Variants in HGFAC observed in about 807,000 individuals in gnomAD.
HGFAC encodes hepatocyte growth factor activator serine protease.
In HGFAC, 76 loss-of-function variants were observed where a neutral mutation model predicts 70.6. That is an observed-to-expected ratio of 1.08 (90% CI 0.89 to 1.30). HGFAC has a LOEUF of 1.30. Ranked by LOEUF, HGFAC falls within the 50% of genes most tolerant of loss-of-function variation. The probability of loss-of-function intolerance (pLI) is 0.00; values close to 1 mark genes in which losing one functional copy is unlikely to be tolerated. For synonymous variants in HGFAC, 464 were observed against 405.3 expected (o/e 1.14, Z -1.74); for missense variants, 1,044 against 933.7 (o/e 1.12, Z -1.54).
Position 3,442,097 on chromosome 4 carries a change from G to T in HGFAC, c.96G>T (p.Gly32=). ...LLLLLLLLPR[G]FQPQPGGNRT... ...TGCTGCTGCTGCTGCTGCCACGGGG[G>T]TTCCAGCCCCAGCCTGGCGGGGTGA... Residue 32 remains glycine (G), a synonymous_variant, in exon 1 of 14, where the codon GGG becomes GGT. Transcript: ENST00000382774. The T allele has an allele frequency of 6.4e-7, 1 of 1,560,740 alleles. No homozygotes were observed. Among genetic ancestry groups the T allele is most frequent in the Non-Finnish European group, 8.6e-7 (1 of 1,164,842 alleles).
rs1345525322 is a variant in HGFAC, at chr4:3,445,290, T to TGG, written c.1043_1044dup (p.Cys349GlyfsTer5). 1.3e-6 allele frequency: 2 copies of TGG among 1,587,304 alleles called. No homozygotes were observed. The highest frequency in any genetic ancestry group is 3.5e-5 in the Admixed American group (2 of 56,740). On this transcript the variant is annotated frameshift_variant, in exon 9 of 14. Coordinates refer to ENST00000382774, the MANE Select transcript of HGFAC (RefSeq NM_001528.4). LOFTEE classifies it high-confidence loss of function. ...GAATCCGGACAATGACGAGAGGCCCTGGTGCTACGTGGTGAAGGACAGCGC... is the reference window on the plus strand; with the variant it reads ...GAATCCGGACAATGACGAGAGGCCCTGGGGTGCTACGTGGTGAAGGACAGCGC...
In HGFAC at chr4:3,442,903, C is replaced by T. The variant is rs1228817004; in HGVS notation, c.289C>T (p.Gln97Ter). 1 of 1,563,414 alleles carries T rather than the reference C, an allele frequency of 6.4e-7. No individual in the cohort carries two copies. The highest frequency in any genetic ancestry group is 1.4e-5 in the African/African-American group (1 of 72,488). The change falls in exon 2 of 14, where the codon CAG becomes TAG. Residue 97 changes from glutamine (Q) to a stop codon, truncating the protein, a stop_gained. Coordinates refer to ENST00000382774, the MANE Select transcript of HGFAC (RefSeq NM_001528.4). LOFTEE classifies it high-confidence loss of function. ...GGCAGTTCCCTCGAGCAGTAGCCCC[C>T]AGGCCCAAGGTGGGTCAGGTGGGCC... ...PRAVPSSSSP[Q>*]AQALTEDGRP...
At chr4:3,446,414 C>T (rs574432693) in intron 10 of HGFAC, 120 bp downstream of exon 10, 47 of 1,289,868 alleles carry the variant, frequency 3.6e-5, no homozygotes, top group East Asian at 1.8e-4. Context: ...GACCCCTTCC[C>T]GGGGTCCCCG....
At position 3,449,347 on chromosome 4, in the gene HGFAC, C is replaced by A; in HGVS notation, c.1896C>A (p.Thr632=). The A allele has an allele frequency of 6.2e-7, 1 of 1,611,264 alleles. No individual in the cohort carries two copies. The highest frequency in any genetic ancestry group is 8.5e-7 in the Non-Finnish European group (1 of 1,178,994). ...CGRLHKPGVY[T]RVANYVDWIN... ...GGCTCCACAAGCCGGGGGTCTACAC[C>A]CGCGTGGCCAACTATGTGGACTGGA... The change falls in exon 14 of 14, where the codon ACC becomes ACA. Residue 632 remains threonine, a synonymous_variant. Transcript: ENST00000382774.
Position 3,446,033 on chromosome 4 carries a change from T to C in HGFAC, c.1103-9T>C, listed in dbSNP as rs1449673815. On this transcript the variant is annotated splice_polypyrimidine_tract_variant and intron_variant, in intron 9 of 13. Coordinates refer to ENST00000382774, the MANE Select transcript of HGFAC (RefSeq NM_001528.4). ...CCCAGGGGTGTGACCCGGTGACCTTTGCTCCCAGAATCCCTCACCAGAGTC... is the reference window on the plus strand; with the variant it reads ...CCCAGGGGTGTGACCCGGTGACCTTCGCTCCCAGAATCCCTCACCAGAGTC... The C allele has an allele frequency of 6.2e-7, 1 of 1,607,188 alleles. No homozygotes were observed. Among genetic ancestry groups the C allele is most frequent in the African/African-American group, 1.3e-5 (1 of 74,768 alleles).
At position 3,444,283 on chromosome 4, in the gene HGFAC, G is replaced by A. The variant is rs752279697; in HGVS notation, c.599-28G>A. On this transcript the variant is annotated intron_variant, in intron 5 of 13. Transcript: ENST00000382774. ...CTGCACGGGGACAGCAGGTGGCAGG[G>A]TGTGAGGGCTTACTGTGCACCCCTC... 5 of 1,573,978 alleles carry A rather than the reference G, an allele frequency of 3.2e-6. No individual in the cohort carries two copies. The African/African-American group carries it at 5.4e-5, about 17-fold the overall frequency.
chr4:3,444,616 C>A lies in HGFAC; in HGVS notation c.731-7C>A. On this transcript the variant is annotated splice_region_variant and splice_polypyrimidine_tract_variant and intron_variant, in intron 6 of 13. Transcript: ENST00000382774. ...CCCCTGGCCCAGCTCCTCGGCCCTG[C>A]CCCCAGCTTGTCTGAGCAGCCCTTG... is the stretch of plus-strand genomic sequence containing the variant. 3 of 1,586,488 alleles carry A rather than the reference C, an allele frequency of 1.9e-6. No individual in the cohort carries two copies. The highest frequency in any genetic ancestry group is 2.3e-5 in the East Asian group (1 of 44,380).
intron 3 of HGFAC, 97 bp from the exon 4 acceptor site, chr4:3,443,244 C>T (rs1577123437): frequency 3.1e-6 from 4 of 1,305,294 alleles, no homozygotes; most frequent in Admixed American, 4.9e-5. Context: ...CACCACGCAG[C>T]AGGCGGACCC....
In HGFAC at chr4:3,443,405, C is replaced by A; in HGVS notation, c.460C>A (p.Pro154Thr). 1 of 1,479,238 alleles carries A rather than the reference C, an allele frequency of 6.8e-7. No homozygotes were observed. The highest frequency in any genetic ancestry group is 9.0e-7 in the Non-Finnish European group (1 of 1,113,144). 91.6% of individuals were successfully genotyped at this position (1,479,238 alleles called of 1,614,324 possible). A position where few individuals can be genotyped will look rare whatever the true frequency, so the allele number is the denominator to read the frequency against. ...GGGCTACTGTGTGGAGGCCACCCCGCCTCCAGGGGGCCCAGGTGGGTGCTG... is the reference window on the plus strand; with the variant it reads ...GGGCTACTGTGTGGAGGCCACCCCGACTCCAGGGGGCCCAGGTGGGTGCTG... The part of the protein sequence containing the change: ...AWGYCVEATP[P>T]PGGPAALDPC... Residue 154 changes from proline (P) to threonine (T), a missense_variant, in exon 4 of 14, where the codon CCT (proline) becomes ACT (threonine). Transcript: ENST00000382774.
At chr4:3,442,249 T>TA in intron 1 of HGFAC, 131 bp downstream of exon 1, 1 of 671,626 alleles carries the variant, frequency 1.5e-6, no homozygotes, top group Non-Finnish European at 2.4e-6. Context: ...GCAGGGGGCT[T>TA]ACGTTGAAAG....
At chr4:3,443,318 T>C in intron 3 of HGFAC, 23 bp from the exon 4 acceptor site, 1 of 1,535,560 alleles carries the variant, frequency 6.5e-7, no homozygotes. Flanking sequence ...GGGACCCCCA[T>C]GCACGCAGGT....
At chr4:3,445,820 C>T (rs1725487303) in intron 9 of HGFAC, 2 of 1,488,334 alleles carry the variant, frequency 1.3e-6, no homozygotes, top group African/African-American at 2.8e-5. Flanking sequence ...TCCGTGTGTC[C>T]AGCCCCTCTG....
At position 3,443,352 on chromosome 4, in the gene HGFAC, C is replaced by G; in HGVS notation, c.407C>G (p.Thr136Ser). 3.2e-6 allele frequency: 5 copies of G among 1,541,984 alleles called. No individual in the cohort carries two copies. Among genetic ancestry groups the G allele is most frequent in the Non-Finnish European group, 4.4e-6 (5 of 1,142,860 alleles). Reference protein sequence around the residue: ...GSAHRKWCATTHNYDRDRAWG... With the variant: ...GSAHRKWCATSHNYDRDRAWG... Reference sequence around the variant, plus strand: ...GTGTCGCCCCCCAGGTGTGCCACAACTCACAACTACGACCGGGACAGGGCC... The same window carrying G: ...GTGTCGCCCCCCAGGTGTGCCACAAGTCACAACTACGACCGGGACAGGGCC... Residue 136 changes from threonine (T) to serine (S), a missense_variant, in exon 4 of 14, where the codon ACT (threonine) becomes AGT (serine). Physicochemically the swap from Thr to Ser is moderately conservative, Grantham distance 58. Coordinates refer to ENST00000382774, the MANE Select transcript of HGFAC (RefSeq NM_001528.4).
chr4:3,443,486 G>A lies in HGFAC; in HGVS notation c.475+66G>A, dbSNP rs1032039684. 12 of 1,039,604 alleles carry A rather than the reference G, an allele frequency of 1.2e-5. No homozygotes were observed. In the African/African-American group the frequency reaches 2.0e-4, roughly 17 times the overall value. The allele number at this position is 1,039,604 out of a possible 1,614,324, so 64.4% of individuals were successfully genotyped here. A position where few individuals can be genotyped will look rare whatever the true frequency, so the allele number is the denominator to read the frequency against. ...CTGGGCCAGGCCAGAAGGGCCAAGG[G>A]GAGGATGGGGCGGACCCGGGCAGGG... On this transcript the variant is annotated intron_variant, in intron 4 of 13. Coordinates refer to ENST00000382774, the MANE Select transcript of HGFAC (RefSeq NM_001528.4).
At chr4:3,443,918 G>A in intron 4 of HGFAC, 121 bp from the exon 5 acceptor site, 1 of 1,097,410 alleles carries the variant, frequency 9.1e-7, no homozygotes. Context: ...CGTAGAGAGG[G>A]CCCCTTTGCT....
chr4:3,442,648 C>G (rs1211876297), intron 1 of HGFAC, 84 bp from the exon 2 acceptor site: 1 of 1,039,110 alleles, frequency 9.6e-7, no homozygotes, highest in Non-Finnish European at 1.3e-6. Context: ...AGTATGGAAA[C>G]AGGCTCAGGG....
At chr4:3,443,573 G>A (rs2109295312) in intron 4 of HGFAC, among the ~76,000 whole-genome samples, 153 bp downstream of exon 4, 1 of 152,242 alleles carries the variant, frequency 6.6e-6, no homozygotes, top group East Asian at 1.9e-4. Context: ...TGCCACTTAG[G>A]GCCAGAGCCT....
rs1024396942 is a variant in HGFAC at position 3,444,410 on chromosome 4, G to A, written c.698G>A (p.Gly233Asp). ...GTGGAACAGTGCGAGTGCTTCGGGG[G>A]CCGGACCTGGTGCGAAGGCACCCGA... Reference protein sequence around the residue: ...GHVEQCECFGGRTWCEGTRHT... With the variant: ...GHVEQCECFGDRTWCEGTRHT... The change falls in exon 6 of 14, where the codon GGC becomes GAC. Residue 233 changes from glycine (G) to aspartate (D), a missense_variant. Transcript: ENST00000382774. The A allele has an allele frequency of 6.2e-7, 1 of 1,602,972 alleles. No individual in the cohort carries two copies.
At chr4:3,441,148 C>T (rs1456848719), upstream of HGFAC, among the ~76,000 whole-genome samples, 2 of 152,284 alleles carry the variant, frequency 1.3e-5, no homozygotes, top group African/African-American at 2.4e-5. This position sits in a 1 kb window ranked among gnomAD's most constrained non-coding sequence, Gnocchi z 6.0. Context: ...CCCCAAGTCA[C>T]GAATTCCGTG....
Sources: allele counts gnomAD v4.1 joint callset (sites outside exome capture counted in the v4.1 genomes callset), GRCh38; gene constraint gnomAD v4.1.1; non-coding constraint Gnocchi (gnomAD v3.1); transcripts MANE v1.5; gene names NCBI Gene and HGNC (gene_info 2026-07-23, HGNC 2026-07-21).